LBHD1: variants seen among roughly 807,000 people sequenced by gnomAD.
LBHD1 encodes LBH domain-containing protein 1.
LBHD1 carries 28 observed loss-of-function variants against 31.1 expected under a neutral mutation model. The observed-to-expected ratio is 0.90, with a 90% CI of 0.67 to 1.24. The LOEUF (loss-of-function observed/expected upper bound fraction) is 1.24. Ranked by LOEUF, LBHD1 falls within the 50% of genes most tolerant of loss-of-function variation. The pLI is 0.00. For missense variants in LBHD1, 350 were observed against 323.0 expected, an observed-to-expected ratio of 1.08 and a Z score of -0.64; for synonymous variants, 105 against 116.5, an observed-to-expected ratio of 0.90 and a Z score of 0.63.
chr11:62,664,082 GAAAA>G (rs71056540), intron 5 of LBHD1, among the ~76,000 whole-genome samples: 40 of 65,938 alleles, frequency 6.1e-4, no homozygotes, highest in African/African-American at 2.3e-3. Context: ...CAAAAAAGAG[GAAAA>G]AAAAAAAAAA....
chr11:62,667,972 C>T, intron 3 of LBHD1: 1 of 466,102 alleles, frequency 2.1e-6, no homozygotes, highest in African/African-American at 1.9e-5. Flanking sequence ...GGAGGCTGAG[C>T]TGGGAGGACT....
rs747381376 is a variant in LBHD1 at position 62,667,723 on chromosome 11, G to A, written c.338C>T (p.Pro113Leu). The A allele has an allele frequency of 1.2e-6, 2 of 1,609,510 alleles. No homozygotes were observed. The highest frequency in any genetic ancestry group is 2.2e-5 in the South Asian group (2 of 91,026). ...EPGWAWSPQD[P>L]RSPLRTFNAG... The stretch of plus-strand genomic sequence containing the variant: ...GTTAAATGTTCTTAAAGGACTTCTA[G>A]GGTCCTGTGGGCTCCAAGCCCAGCC... Residue 113 changes from proline (P) to leucine (L), a missense_variant, in exon 4 of 7, where the codon CCT becomes CTT. Transcript: ENST00000354588.
chr11:62,665,227 G>C, intron 4 of LBHD1: 4 of 778,384 alleles, frequency 5.1e-6, no homozygotes, highest in Non-Finnish European at 8.8e-6. Context: ...GGATCCGCGG[G>C]GCTCCGCCCC....
chr11:62,663,432 C>T (rs938300229), intron 5 of LBHD1, 99 bp from the exon 6 acceptor site: 13 of 1,272,374 alleles, frequency 1.0e-5, no homozygotes, highest in African/African-American at 1.5e-5. Context: ...ATAGGCTGGG[C>T]GCAGTGGCTC....
chr11:62,665,825 A>T, intron 4 of LBHD1: 1 of 1,596,032 alleles, frequency 6.3e-7, no homozygotes, highest in Non-Finnish European at 8.6e-7. Flanking sequence ...CTCCGGCTGG[A>T]GTAGGGTGGA....
chr11:62,665,002 G>A (rs567035534), intron 4 of LBHD1, 29 bp from the exon 5 acceptor site: 28 of 1,606,060 alleles, frequency 1.7e-5, no homozygotes, highest in Non-Finnish European at 2.4e-5. Context: ...CGAATCAGAT[G>A]GAGTGGGCTC....
At chr11:62,671,110 C>CA in intron 1 of LBHD1, 1 of 346,146 alleles carries the variant, frequency 2.9e-6, no homozygotes, top group African/African-American at 2.1e-5. Context: ...CAAAAACAAA[C>CA]AAAACCACGC....
intron 5 of LBHD1, among the ~76,000 whole-genome samples, chr11:62,663,847 C>A (rs1429479832): frequency 2.6e-5 from 4 of 151,296 alleles, no homozygotes; most frequent in East Asian, 3.9e-4. Flanking sequence ...CTGAGGTGGG[C>A]GGATCACCTG....
intron 4 of LBHD1, chr11:62,667,121 G>A: frequency 1.4e-6 from 2 of 1,444,334 alleles, no homozygotes; most frequent in Non-Finnish European, 1.9e-6. Flanking sequence ...GTCTTTGCAA[G>A]CTATCTGGCT....
intron 1 of LBHD1, 164 bp downstream of exon 1, chr11:62,671,400 G>C: frequency 1.6e-6 from 2 of 1,263,814 alleles, no homozygotes; most frequent in East Asian, 5.3e-5. Flanking sequence ...TACTGATCGG[G>C]AAACGTCGGA....
rs1246641281 is a variant in LBHD1, at chr11:62,663,032, T to A, written c.*97A>T. 1 of 1,542,584 alleles carries A rather than the reference T, an allele frequency of 6.5e-7. No individual in the cohort carries two copies. Among genetic ancestry groups the A allele is most frequent in the South Asian group, 1.1e-5 (1 of 88,154 alleles). ...TCTGAAGGCTGGCTCCAGTTGAGAATCTTCTAGTGGAAGAGGTTTAGCTCT... is the reference window on the plus strand; with the variant it reads ...TCTGAAGGCTGGCTCCAGTTGAGAAACTTCTAGTGGAAGAGGTTTAGCTCT... On this transcript the variant is annotated 3_prime_UTR_variant, in exon 7 of 7. Transcript: ENST00000354588.
Position 62,671,611 on chromosome 11 carries a change from T to C in LBHD1, c.-58A>G, listed in dbSNP as rs1399646279. 6.7e-7 allele frequency: 1 copy of C among 1,500,654 alleles called. No homozygotes were observed. Among genetic ancestry groups the C allele is most frequent in the African/African-American group, 1.4e-5 (1 of 71,782 alleles). 93.0% of individuals were successfully genotyped at this position (1,500,654 alleles called of 1,614,324 possible). On this transcript the variant is annotated 5_prime_UTR_variant, in exon 1 of 7. Coordinates refer to ENST00000354588, the MANE Select transcript of LBHD1 (RefSeq NM_024099.5). ...TCCAAACGTTTCCTCGAGCAGGTCC[T>C]CTCTAGCCGGCCGCTTATCTATGGT...
intron 1 of LBHD1, 95 bp downstream of exon 1, chr11:62,671,469 C>A: frequency 7.5e-7 from 1 of 1,338,338 alleles, no homozygotes; most frequent in Admixed American, 3.1e-5. Context: ...GCACTCTCCC[C>A]CTAGCAATCC....
At chr11:62,665,166 C>T (rs1374469292) in intron 4 of LBHD1, 193 bp from the exon 5 acceptor site, 4 of 892,384 alleles carry the variant, frequency 4.5e-6, no homozygotes, top group East Asian at 5.3e-5. Context: ...CCCGGAGCTC[C>T]CATAGTCGCG....
chr11:62,667,049 T>G, intron 4 of LBHD1: 3 of 1,593,366 alleles, frequency 1.9e-6, no homozygotes, highest in Middle Eastern at 1.7e-4. Context: ...AGGCTCTCAT[T>G]AAAGACATTT....
intron 1 of LBHD1, chr11:62,670,270 T>C: frequency 1.9e-6 from 1 of 519,056 alleles, no homozygotes; most frequent in African/African-American, 1.9e-5. Flanking sequence ...CAAGGGCACC[T>C]GGATTAAAGC....
intron 4 of LBHD1, 79 bp from the exon 5 acceptor site, chr11:62,665,052 C>G: frequency 6.3e-7 from 1 of 1,581,544 alleles, no homozygotes; most frequent in Non-Finnish European, 8.6e-7. Flanking sequence ...GCCCCGGCCC[C>G]TCACTGATCC....
At chr11:62,671,029 GTCGAGGCT>G in intron 1 of LBHD1, 1 of 267,222 alleles carries the variant, frequency 3.7e-6, no homozygotes. Context: ...GGCCCTGGAA[GTCGAGGCT>G]TCAGTGAGCC....
intron 3 of LBHD1, 112 bp from the exon 4 acceptor site, chr11:62,667,859 G>A: frequency 1.3e-6 from 1 of 747,582 alleles, no homozygotes; most frequent in Non-Finnish European, 2.3e-6. Flanking sequence ...GGGAGGCCAA[G>A]GTGGGCAGAT....
Sources: gnomAD v4.1 joint callset for allele counts (sites outside exome capture counted in the v4.1 genomes callset) on GRCh38, gnomAD v4.1.1 for gene constraint, MANE v1.5 for transcripts, NCBI Gene and HGNC (gene_info 2026-07-23, HGNC 2026-07-21) for gene names.